Variants in RANBP2 observed in about 807,000 individuals in gnomAD.
RANBP2 encodes E3 SUMO-protein ligase RanBP2.
RANBP2 carries 57 observed loss-of-function variants against 303.6 expected under a neutral mutation model. The observed-to-expected ratio is 0.19, with a 90% CI of 0.15 to 0.23. The LOEUF (loss-of-function observed/expected upper bound fraction) is 0.23. Among genes scored for constraint, RANBP2 ranks in the 10% least tolerant of loss-of-function variants. The pLI is 1.00. For synonymous variants in RANBP2, 1,167 were observed against 1,301.5 expected (o/e 0.90, Z 2.23); for missense variants, 3,138 against 3,780.8 (o/e 0.83, Z 4.46).
At chr2:109,704,815 C>T in the RANBP2 span, among the ~76,000 whole-genome samples, 1 of 152,096 alleles carries the variant, frequency 6.6e-6, no homozygotes, top group African/African-American at 2.4e-5. Flanking sequence ...TGTGCCATTG[C>T]ACTCCAGCCT....
At chr2:109,684,272 C>T in the RANBP2 span, among the ~76,000 whole-genome samples, 15 of 30,002 alleles carry the variant, frequency 5.0e-4, no homozygotes, top group African/African-American at 1.5e-3. Flanking sequence ...GGCAGCGTCT[C>T]CCTCTGTCGC....
the RANBP2 span, among the ~76,000 whole-genome samples, chr2:109,685,017 G>C: frequency 1.6e-3 from 241 of 151,654 alleles, 3 homozygotes; most frequent in African/African-American, 5.5e-3. Flanking sequence ...AGGATTACAG[G>C]CACCCACCAT....
the RANBP2 span, among the ~76,000 whole-genome samples, chr2:109,710,197 C>T: frequency 2.0e-4 from 30 of 151,006 alleles, no homozygotes; most frequent in African/African-American, 3.4e-4. Context: ...GTCTGGCCAA[C>T]GCGGTGAAAA....
chr2:109,482,810 C>A, the RANBP2 span, among the ~76,000 whole-genome samples: 1 of 152,174 alleles, frequency 6.6e-6, no homozygotes, highest in African/African-American at 2.4e-5. Flanking sequence ...ATGCGGCGGT[C>A]ACGTCTTCCA....
At chr2:108,890,434 G>A in the RANBP2 span, among the ~76,000 whole-genome samples, 4 of 151,952 alleles carry the variant, frequency 2.6e-5, no homozygotes, top group Non-Finnish European at 4.4e-5. Flanking sequence ...TGGTAGAGAA[G>A]CGGTTTTGCC....
chr2:108,812,625 C>T, the RANBP2 span: 2 of 1,607,788 alleles, frequency 1.2e-6, no homozygotes, highest in South Asian at 2.2e-5. Flanking sequence ...TTTTTCTACC[C>T]TTTAGTTAAA....
chr2:109,203,626 G>A, the RANBP2 span, among the ~76,000 whole-genome samples: 1,084 of 152,172 alleles, frequency 7.1e-3, 9 homozygotes, highest in South Asian at 0.022. Flanking sequence ...GACAAGCATC[G>A]TGGCCCTGTC....
the RANBP2 span, among the ~76,000 whole-genome samples, chr2:109,249,518 T>TG: frequency 2.4e-5 from 1 of 41,348 alleles, no homozygotes; most frequent in African/African-American, 8.8e-5. Context: ...TCATTCTTTC[T>TG]TTTTCTTTCT....
chr2:109,520,792 G>A, the RANBP2 span, among the ~76,000 whole-genome samples: 5 of 136,976 alleles, frequency 3.7e-5, 1 homozygote, highest in African/African-American at 7.6e-5. Context: ...TTAGCCGGGC[G>A]TGGTGGTGGG....
chr2:109,240,038 G>A, the RANBP2 span, among the ~76,000 whole-genome samples: 10 of 152,178 alleles, frequency 6.6e-5, no homozygotes, highest in Non-Finnish European at 1.5e-4. Flanking sequence ...AGTGGTGGCC[G>A]GGGCTCTGGC....
the RANBP2 span, among the ~76,000 whole-genome samples, chr2:109,705,272 G>C: frequency 6.6e-6 from 1 of 151,904 alleles, no homozygotes; most frequent in African/African-American, 2.4e-5. Context: ...CGGTGTGGTG[G>C]TGCATGTCTG....
At chr2:109,263,175 G>A in the RANBP2 span, among the ~76,000 whole-genome samples, 1 of 152,202 alleles carries the variant, frequency 6.6e-6, no homozygotes, top group South Asian at 2.1e-4. Flanking sequence ...AGTTAAGAAC[G>A]GCAGAGACAT....
the RANBP2 span, among the ~76,000 whole-genome samples, chr2:109,332,792 G>A: frequency 1.3e-5 from 2 of 152,214 alleles, no homozygotes; most frequent in Non-Finnish European, 2.9e-5. Flanking sequence ...TGGGTGGTGA[G>A]AAATAGGACT....
At chr2:109,091,579 G>A in the RANBP2 span, among the ~76,000 whole-genome samples, 173 of 152,288 alleles carry the variant, frequency 1.1e-3, no homozygotes, top group Admixed American at 2.0e-3. Flanking sequence ...CAGTGGGCAA[G>A]GTGAACCCAT....
rs773278648 is a variant in RANBP2, at chr2:108,754,998, G to C, written c.2296G>C (p.Gly766Arg). 35 of 1,611,702 alleles carry C rather than the reference G, an allele frequency of 2.2e-5. No homozygotes were observed. The highest frequency in any genetic ancestry group is 1.0e-4 in the Admixed American group (6 of 59,984). The change falls in exon 16 of 29, where the codon GGT becomes CGT. Residue 766 changes from glycine (G) to arginine (R), a missense_variant. Physicochemically the swap from Gly to Arg is moderately radical, Grantham distance 125. Transcript: ENST00000283195. ...TGAAGGAGGTCCTCTCTATAAAAAT[G>C]GTTCTTTGCGAAATGCAGATTCAGA... ...YSEGGPLYKN[G>R]SLRNADSEIK...
At chr2:108,813,290 A>G in the RANBP2 span, among the ~76,000 whole-genome samples, 1 of 149,754 alleles carries the variant, frequency 6.7e-6, no homozygotes, top group Admixed American at 6.6e-5. Flanking sequence ...TCTCCAATGG[A>G]AAGCCAGGAA....
chr2:109,159,660 G>T, the RANBP2 span, among the ~76,000 whole-genome samples: 4 of 152,232 alleles, frequency 2.6e-5, no homozygotes, highest in Non-Finnish European at 5.9e-5. Flanking sequence ...GAGGTGAGTG[G>T]CGGGAGAGCG....
At chr2:109,683,995 G>T in the RANBP2 span, among the ~76,000 whole-genome samples, 5 of 151,892 alleles carry the variant, frequency 3.3e-5, no homozygotes, top group Non-Finnish European at 5.9e-5. Context: ...AGGCTGGAGT[G>T]CACTGGCACG....
At chr2:109,450,357 AAG>A in the RANBP2 span, among the ~76,000 whole-genome samples, 3 of 111,580 alleles carry the variant, frequency 2.7e-5, no homozygotes, top group African/African-American at 7.9e-5. Flanking sequence ...AAAAAAAAAA[AAG>A]AAAAAGAAAG....
Sources: allele counts gnomAD v4.1 joint callset (sites outside exome capture counted in the v4.1 genomes callset), GRCh38; gene constraint gnomAD v4.1.1; transcripts MANE v1.5; gene names NCBI Gene and HGNC (gene_info 2026-07-23, HGNC 2026-07-21).